Variants in NELL1 observed in about 807,000 individuals in gnomAD.
The protein encoded by NELL1 is neural EGFL like 1, also known as protein kinase C-binding protein NELL1.
A neutral mutation model predicts 107.4 loss-of-function variants in NELL1; 76 were observed. That is an observed-to-expected ratio of 0.71 (90% CI 0.59 to 0.86). The LOEUF (loss-of-function observed/expected upper bound fraction) is 0.86. Ranked by LOEUF, NELL1 falls within the 40% of genes least tolerant of loss-of-function variation. NELL1 has a pLI of 0.00. For missense variants in NELL1, 1,024 were observed against 1,005.5 expected, an observed-to-expected ratio of 1.02 and a Z score of -0.25; for synonymous variants, 353 against 341.2, an observed-to-expected ratio of 1.03 and a Z score of -0.38.
intron 4 of NELL1, among the ~76,000 whole-genome samples, chr11:20,874,969 A>G (rs1849275089): frequency 6.6e-6 from 1 of 152,198 alleles, no homozygotes; most frequent in African/African-American, 2.4e-5. Context: ...TTGTCTCACA[A>G]TGCCCTCACA....
intron 14 of NELL1, among the ~76,000 whole-genome samples, chr11:21,243,128 A>G (rs1418360200): frequency 2.6e-5 from 4 of 151,984 alleles, no homozygotes; most frequent in Admixed American, 2.0e-4. Context: ...AATGTGGTAT[A>G]TTCTGAAAGA....
chr11:21,329,056 A>G (rs933919038), intron 14 of NELL1, among the ~76,000 whole-genome samples: 1 of 152,126 alleles, frequency 6.6e-6, no homozygotes, highest in Non-Finnish European at 1.5e-5. Context: ...ACTATTGGGA[A>G]AGGCATGATT....
intron 15 of NELL1, among the ~76,000 whole-genome samples, chr11:21,401,971 C>T (rs1415106378): frequency 6.6e-6 from 1 of 151,792 alleles, no homozygotes; most frequent in East Asian, 2.0e-4. Flanking sequence ...TTCCACCCCT[C>T]TCCTTTGATT....
At chr11:20,861,410 C>CTT (rs1848976120) in intron 4 of NELL1, among the ~76,000 whole-genome samples, 1 of 152,194 alleles carries the variant, frequency 6.6e-6, no homozygotes, top group Non-Finnish European at 1.5e-5. Flanking sequence ...CCTGGGACTG[C>CTT]TTTGTCCCTT....
intron 5 of NELL1, among the ~76,000 whole-genome samples, chr11:20,898,310 T>C (rs529589932): frequency 8.9e-4 from 136 of 152,006 alleles, no homozygotes; most frequent in African/African-American, 3.2e-3. Flanking sequence ...CTCAGTAAAC[T>C]ATTGCGAGGA....
intron 5 of NELL1, among the ~76,000 whole-genome samples, chr11:20,902,958 C>T (rs1331678239): frequency 6.6e-6 from 1 of 151,702 alleles, no homozygotes; most frequent in East Asian, 1.9e-4. Context: ...AAGTGATAAA[C>T]ACTAAATTTA....
At chr11:20,708,099 T>A (rs1019906218) in intron 2 of NELL1, among the ~76,000 whole-genome samples, 2 of 152,222 alleles carry the variant, frequency 1.3e-5, no homozygotes, top group Non-Finnish European at 1.5e-5. Context: ...CTCAGACTGC[T>A]GTGCTAGTGG....
intron 7 of NELL1, among the ~76,000 whole-genome samples, chr11:20,925,085 A>G (rs1393040930): frequency 6.6e-6 from 1 of 152,172 alleles, no homozygotes; most frequent in Non-Finnish European, 1.5e-5. Flanking sequence ...TGCAAACTAT[A>G]CTATTTTATA....
chr11:21,250,695 ACT>A lies in NELL1; in HGVS notation c.1549+21244_1549+21245del, dbSNP rs959448656. The stretch of plus-strand genomic sequence containing the variant: ...TAAATTGTATTATCTTGAGCAAAAC[ACT>A]CTATTCCTTGACATTGCAGATTATA... On this transcript the variant is annotated intron_variant, in intron 14 of 19. Coordinates refer to ENST00000357134, the MANE Select transcript of NELL1 (RefSeq NM_006157.5). Among the ~76,000 whole-genome samples the A allele has an allele frequency of 1.6e-4, 25 of 152,288 alleles. No homozygotes were observed. The East Asian group carries it at 2.1e-3, about 13-fold the overall frequency.
At chr11:20,913,115 C>T (rs550610165) in intron 5 of NELL1, among the ~76,000 whole-genome samples, 24 of 152,198 alleles carry the variant, frequency 1.6e-4, no homozygotes, top group African/African-American at 5.8e-4. Context: ...TTTGAAAACC[C>T]TCCCTGTGAG....
At chr11:20,767,594 C>A (rs780643686) in intron 2 of NELL1, among the ~76,000 whole-genome samples, 1 of 152,214 alleles carries the variant, frequency 6.6e-6, no homozygotes, top group Admixed American at 6.5e-5. Flanking sequence ...AGTCCCCACT[C>A]GACCCAGGAA....
chr11:21,291,323 C>G (rs776232777), intron 14 of NELL1, among the ~76,000 whole-genome samples: 1 of 152,142 alleles, frequency 6.6e-6, no homozygotes, highest in Non-Finnish European at 1.5e-5. Context: ...ACCAGAATCT[C>G]TGGGACACAG....
intron 13 of NELL1, among the ~76,000 whole-genome samples, chr11:21,207,806 G>T (rs1200409731): frequency 6.6e-6 from 1 of 152,120 alleles, no homozygotes; most frequent in Non-Finnish European, 1.5e-5. Context: ...AAGTGACAGT[G>T]CTGGGATTTG....
intron 2 of NELL1, among the ~76,000 whole-genome samples, chr11:20,696,782 T>G (rs181417396): frequency 6.6e-6 from 1 of 152,158 alleles, no homozygotes; most frequent in Non-Finnish European, 1.5e-5. Flanking sequence ...AATTTGTGAA[T>G]TGAACAGCCA....
At chr11:20,979,480 A>C in intron 12 of NELL1, among the ~76,000 whole-genome samples, 1 of 152,196 alleles carries the variant, frequency 6.6e-6, no homozygotes, top group Non-Finnish European at 1.5e-5. Flanking sequence ...TTCCCAAAAC[A>C]ATGAAATAAT....
intron 15 of NELL1, among the ~76,000 whole-genome samples, chr11:21,432,111 C>A (rs1386220025): frequency 6.6e-6 from 1 of 152,032 alleles, no homozygotes; most frequent in Non-Finnish European, 1.5e-5. Flanking sequence ...AGTTCTGGCT[C>A]AAGTGGACCA....
chr11:21,273,430 G>A (rs1187686969), intron 14 of NELL1, among the ~76,000 whole-genome samples: 3 of 152,216 alleles, frequency 2.0e-5, no homozygotes, highest in African/African-American at 7.2e-5. Context: ...CGTCTGATTG[G>A]TGTATCTGAA....
chr11:21,553,079 A>G (rs80106204), intron 16 of NELL1, among the ~76,000 whole-genome samples: 2,729 of 151,948 alleles, frequency 0.018, 88 homozygotes, highest in African/African-American at 0.062. Context: ...TTCTGTGTAA[A>G]TTGCAGAATG....
chr11:20,941,647 C>T (rs546760559), intron 10 of NELL1, among the ~76,000 whole-genome samples: 1 of 152,194 alleles, frequency 6.6e-6, no homozygotes, highest in Non-Finnish European at 1.5e-5. Flanking sequence ...GCCGAACTGT[C>T]AAACCTATTC....
Sources: gnomAD v4.1 joint callset for allele counts (sites outside exome capture counted in the v4.1 genomes callset) on GRCh38, gnomAD v4.1.1 for gene constraint, MANE v1.5 for transcripts, NCBI Gene and HGNC (gene_info 2026-07-23, HGNC 2026-07-21) for gene names.